The following MUC12 variants were observed in gnomAD, a reference collection of about 807,000 sequenced individuals.
MUC12 encodes the protein mucin 12, cell surface associated.
Under a neutral mutation model 230.8 loss-of-function variants are expected in MUC12, and 172 were observed. The ratio of observed to expected loss-of-function variants is 0.75; its 90% CI spans 0.66 to 0.85. The LOEUF (loss-of-function observed/expected upper bound fraction) is 0.85. MUC12 is among the 40% of genes least tolerant of loss of function. MUC12 has a pLI of 0.00. For synonymous variants in MUC12, 1,259 were observed against 2,401.9 expected (o/e 0.52, Z 13.91); for missense variants, 3,506 against 5,920.6 (o/e 0.59, Z 13.38).
chr7:100,985,615 G>A (rs1433471901), intron 1 of MUC12, among the ~76,000 whole-genome samples: 1 of 152,206 alleles, frequency 6.6e-6, no homozygotes, highest in African/African-American at 2.4e-5. Flanking sequence ...GCAAGGTGGA[G>A]CCAGTTATGT....
Position 100,990,724 on chromosome 7 carries a change from T to C in MUC12, c.161T>C (p.Val54Ala). The change falls in exon 2 of 12, where the codon GTG becomes GCG. Residue 54 changes from valine (V) to alanine (A), a missense_variant. Coordinates refer to ENST00000536621, the MANE Select transcript of MUC12 (RefSeq NM_001164462.2). Reference protein sequence around the residue: ...DPFTTFSDYGVSVTFITGSTA... With the variant: ...DPFTTFSDYGASVTFITGSTA... ...TTTACCACCTTTAGTGACTATGGGG[T>C]GTCAGTCACATTTATCACGGGCTCA... 6.5e-7 allele frequency: 1 copy of C among 1,537,774 alleles called. No homozygotes were observed. Among genetic ancestry groups the C allele is most frequent in the Non-Finnish European group, 8.7e-7 (1 of 1,147,040 alleles).
chr7:100,990,481 C>A, intron 1 of MUC12, 150 bp from the exon 2 acceptor site: 1 of 924,344 alleles, frequency 1.1e-6, no homozygotes, highest in Non-Finnish European at 1.6e-6. Context: ...TCAACTGACA[C>A]TTCCTATGCC....
chr7:101,013,054 T>G lies in MUC12; in HGVS notation c.15550T>G (p.Cys5184Gly), dbSNP rs1410009099. The G allele has an allele frequency of 3.3e-6, 5 of 1,537,386 alleles. No homozygotes were observed. The East Asian group carries it at 1.2e-4, about 38-fold the overall frequency. The change falls in exon 8 of 12, where the codon TGT (cysteine) becomes GGT (glycine). Residue 5184 changes from cysteine to glycine, a missense_variant. Physicochemically the swap from Cys to Gly is radical, Grantham distance 159. Transcript: ENST00000536621. Reference protein sequence around the residue: ...YVDVLDGKLACVNKCTKGTKS... With the variant: ...YVDVLDGKLAGVNKCTKGTKS... ...GGATGTCTTGGATGGGAAGCTGGCC[T>G]GTGTGAACAAGTGCACCAAAGGAAC...
intron 1 of MUC12, among the ~76,000 whole-genome samples, chr7:100,984,718 G>A (rs1322941806): frequency 1.3e-5 from 2 of 152,140 alleles, no homozygotes; most frequent in Non-Finnish European, 2.9e-5. Context: ...TTAAGTCCAG[G>A]CATGATATGC....
intron 9 of MUC12, among the ~76,000 whole-genome samples, chr7:101,015,026 C>T (rs116535902): frequency 0.013 from 2,005 of 152,206 alleles, 40 homozygotes; most frequent in African/African-American, 0.046. Context: ...CCTTCATGAC[C>T]TAATCATGTC....
In MUC12 at chr7:101,012,407, T is replaced by G; in HGVS notation, c.15363T>G (p.Asn5121Lys). 1 of 1,537,826 alleles carries G rather than the reference T, an allele frequency of 6.5e-7. No homozygotes were observed. The highest frequency in any genetic ancestry group is 8.7e-7 in the Non-Finnish European group (1 of 1,147,038). ...AGATTGTAAAGGCCAAGATTATGAATGAAACTAGAACAACTCTTCTTGATC... is the reference window on the plus strand; with the variant it reads ...AGATTGTAAAGGCCAAGATTATGAAGGAAACTAGAACAACTCTTCTTGATC... ...LAEIVKAKIMNETRTTLLDPD... is the reference protein window; with the variant it reads ...LAEIVKAKIMKETRTTLLDPD... Residue 5121 changes from asparagine (N) to lysine (K), a missense_variant, in exon 6 of 12, where the codon AAT becomes AAG. By Grantham distance (94) the Asn-to-Lys change is moderately conservative. Coordinates refer to ENST00000536621, the MANE Select transcript of MUC12 (RefSeq NM_001164462.2).
chr7:100,994,516 G>C lies in MUC12; in HGVS notation c.3953G>C (p.Ser1318Thr). The C allele has an allele frequency of 7.3e-7, 1 of 1,371,794 alleles. No individual in the cohort carries two copies. Among genetic ancestry groups the C allele is most frequent in the Non-Finnish European group, 9.6e-7 (1 of 1,041,264 alleles). 85.0% of individuals were successfully genotyped at this position (1,371,794 alleles called of 1,614,324 possible). The part of the protein sequence containing the change: ...DATLSPATTT[S>T]SGVSEESSTS... ...ACACTCTCACCTGCAACCACAACAA[G>C]CTCAGGCGTCAGCGAAGAATCCAGC... The change falls in exon 2 of 12, where the codon AGC becomes ACC. Residue 1318 changes from serine (S) to threonine (T), a missense_variant. Coordinates refer to ENST00000536621, the MANE Select transcript of MUC12 (RefSeq NM_001164462.2).
rs1410009099 is a variant in MUC12, at chr7:101,013,054, T to C, written c.15550T>C (p.Cys5184Arg). ...YVDVLDGKLACVNKCTKGTKS... is the reference protein window; with the variant it reads ...YVDVLDGKLARVNKCTKGTKS... Reference sequence around the variant, plus strand: ...GGATGTCTTGGATGGGAAGCTGGCCTGTGTGAACAAGTGCACCAAAGGAAC... The same window carrying C: ...GGATGTCTTGGATGGGAAGCTGGCCCGTGTGAACAAGTGCACCAAAGGAAC... Residue 5184 changes from cysteine to arginine, a missense_variant, in exon 8 of 12, where the codon TGT becomes CGT. By Grantham distance (180) the Cys-to-Arg change is radical. Transcript: ENST00000536621. The C allele has an allele frequency of 6.5e-7, 1 of 1,537,386 alleles. No homozygotes were observed. Among genetic ancestry groups the C allele is most frequent in the Admixed American group, 2.0e-5 (1 of 51,006 alleles).
At position 100,991,756 on chromosome 7, in the gene MUC12, C is replaced by T; in HGVS notation, c.1193C>T (p.Ser398Phe). Residue 398 changes from serine (S) to phenylalanine (F), a missense_variant, in exon 2 of 12, where the codon TCT becomes TTT. Transcript: ENST00000536621. Reference sequence around the variant, plus strand: ...CACGGCAGCACAACACACACAAAATCTTCAACTCCTAGCACCACAGCTGCC... The same window carrying T: ...CACGGCAGCACAACACACACAAAATTTTCAACTCCTAGCACCACAGCTGCC... ...TFHGSTTHTK[S>F]STPSTTAALA... is the part of the protein sequence containing the mutation. 1 of 1,537,998 alleles carries T rather than the reference C, an allele frequency of 6.5e-7. No individual in the cohort carries two copies. The highest frequency in any genetic ancestry group is 8.7e-7 in the Non-Finnish European group (1 of 1,147,076).
Position 100,991,245 on chromosome 7 carries a change from C to T in MUC12, c.682C>T (p.Pro228Ser), listed in dbSNP as rs532704724. 188 of 1,537,734 alleles carry T rather than the reference C, an allele frequency of 1.2e-4. 1 individual carries two copies. The African/African-American group carries it at 2.1e-3, about 17-fold the overall frequency. The change falls in exon 2 of 12, where the codon CCA becomes TCA. Residue 228 changes from proline (P) to serine (S), a missense_variant. Physicochemically the swap from Pro to Ser is moderately conservative, Grantham distance 74. Coordinates refer to ENST00000536621, the MANE Select transcript of MUC12 (RefSeq NM_001164462.2). ...GPESTTFHSS[P>S]GYTKTTRLPD... ...AGAATCTACTACCTTCCACAGCAGC[C>T]CAGGCTACACTAAAACAACACGCTT...
In MUC12 at chr7:101,004,550, G is replaced by T. The variant is rs1185256486; in HGVS notation, c.13987G>T (p.Gly4663Cys). 1 of 1,536,264 alleles carries T rather than the reference G, an allele frequency of 6.5e-7. No homozygotes were observed. Among genetic ancestry groups the T allele is most frequent in the Non-Finnish European group, 8.7e-7 (1 of 1,146,630 alleles). Residue 4663 changes from glycine to cysteine, a missense_variant, in exon 2 of 12, where the codon GGC becomes TGC. Physicochemically the swap from Gly to Cys is radical, Grantham distance 159 (BLOSUM62 -3). Transcript: ENST00000536621. The part of the protein sequence containing the change: ...EEPTSYHSSP[G>C]SIATTHFPES... ...ACCTACCAGCTACCACAGCAGCCCG[G>T]GCTCAATTGCAACAACACACTTTCC...
Position 101,013,979 on chromosome 7 carries a change from C to T in MUC12, c.15705C>T (p.Leu5235=). The T allele has an allele frequency of 1.2e-5, 18 of 1,536,634 alleles. No individual in the cohort carries two copies. The highest frequency in any genetic ancestry group is 1.6e-5 in the Non-Finnish European group (18 of 1,146,664). ...ETCEFNIAKS[L]VYGIVGAVMA... ...GTGAATTCAACATCGCCAAGAGCCT[C>T]GTGTATGGGATCGTGGGGGCTGTGA... The change falls in exon 9 of 12, where the codon CTC becomes CTT. Residue 5235 remains leucine, a synonymous_variant. Transcript: ENST00000536621.
Position 100,992,339 on chromosome 7 carries a change from A to C in MUC12, c.1776A>C (p.Leu592Phe). ...CAGGCTCCACTGAAACAACACTCTT[A>C]CCTGACAACACCACAGCCTCAGGAC... ...SRPGSTETTL[L>F]PDNTTASGLL... Residue 592 changes from leucine (L) to phenylalanine (F), a missense_variant, in exon 2 of 12, where the codon TTA (leucine) becomes TTC (phenylalanine). Leu to Phe is a conservative substitution (Grantham distance 22). Coordinates refer to ENST00000536621, the MANE Select transcript of MUC12 (RefSeq NM_001164462.2). 3 of 1,536,614 alleles carry C rather than the reference A, an allele frequency of 2.0e-6. No individual in the cohort carries two copies. Among genetic ancestry groups the C allele is most frequent in the Non-Finnish European group, 2.6e-6 (3 of 1,146,066 alleles).
chr7:100,990,522 T>C (rs1409411468), intron 1 of MUC12, 109 bp from the exon 2 acceptor site: 18 of 1,329,710 alleles, frequency 1.4e-5, no homozygotes, highest in Non-Finnish European at 1.8e-5. Flanking sequence ...TTCAATACCA[T>C]GGGCTGACCA....
At position 100,997,435 on chromosome 7, in the gene MUC12, C is replaced by T. The variant is rs748604029; in HGVS notation, c.6872C>T (p.Ser2291Leu). The stretch of plus-strand genomic sequence containing the variant: ...CTGTTCACTGAGGACAGCACCACCT[C>T]GGGCCTCACTGAAGAATCTACAGCC... ...TTLFTEDSTT[S>L]GLTEESTAFP... The change falls in exon 2 of 12, where the codon TCG (serine) becomes TTG (leucine). Residue 2291 changes from serine to leucine, a missense_variant. Ser to Leu is a moderately radical substitution (Grantham distance 145, BLOSUM62 -2). Coordinates refer to ENST00000536621, the MANE Select transcript of MUC12 (RefSeq NM_001164462.2). 29 of 265,156 alleles carry T rather than the reference C, an allele frequency of 1.1e-4. 2 individuals carry two copies. The highest frequency in any genetic ancestry group is 5.0e-4 in the Admixed American group (3 of 6,030). The allele number at this position is 265,156 out of a possible 1,614,324, so 16.4% of individuals were successfully genotyped here.
At chr7:100,972,627 G>A (rs1792931365) in intron 1 of MUC12, among the ~76,000 whole-genome samples, 1 of 151,694 alleles carries the variant, frequency 6.6e-6, no homozygotes, top group South Asian at 2.1e-4. Context: ...CTCAGCCTTT[G>A]GAGTAGCTGG....
intron 10 of MUC12, 37 bp from the exon 11 acceptor site, chr7:101,017,538 C>G (rs1793950870): frequency 7.3e-7 from 1 of 1,376,472 alleles, no homozygotes; most frequent in East Asian, 2.5e-5. Context: ...CTCCCCCTAC[C>G]AAGGCTCCCA....
chr7:101,004,703 T>G lies in MUC12; in HGVS notation c.14140T>G (p.Phe4714Val). The part of the protein sequence containing the change: ...TSGRIAESTT[F>V]YISPGSMETT... The stretch of plus-strand genomic sequence containing the variant: ...AGGCCGCATTGCAGAATCTACCACC[T>G]TCTATATCTCTCCAGGCTCAATGGA... Residue 4714 changes from phenylalanine (F) to valine (V), a missense_variant, in exon 2 of 12, where the codon TTC becomes GTC. Phe to Val is a conservative substitution (Grantham distance 50). Transcript: ENST00000536621. 3 of 1,537,818 alleles carry G rather than the reference T, an allele frequency of 2.0e-6. No individual in the cohort carries two copies. Among genetic ancestry groups the G allele is most frequent in the Non-Finnish European group, 2.6e-6 (3 of 1,147,034 alleles).
rs189470868 is a variant in MUC12, at chr7:100,993,550, C to A, written c.2987C>A (p.Thr996Asn). 6.0e-6 allele frequency: 6 copies of A among 1,004,470 alleles called. 1 individual carries two copies. Among genetic ancestry groups the A allele is most frequent in the African/African-American group, 5.0e-5 (2 of 39,904 alleles). 62.2% of individuals were successfully genotyped at this position (1,004,470 alleles called of 1,614,324 possible). ...GLQGESTAFQ[T>N]HPASTHTTPS... ...CAGGGAGAATCTACTGCCTTCCAGA[C>A]CCACCCAGCCTCAACTCACACAACG... The change falls in exon 2 of 12, where the codon ACC becomes AAC. Residue 996 changes from threonine (T) to asparagine (N), a missense_variant. Coordinates refer to ENST00000536621, the MANE Select transcript of MUC12 (RefSeq NM_001164462.2).
Sources: allele counts gnomAD v4.1 joint callset (sites outside exome capture counted in the v4.1 genomes callset), GRCh38; gene constraint gnomAD v4.1.1; transcripts MANE v1.5; gene names NCBI Gene and HGNC (gene_info 2026-07-23, HGNC 2026-07-21).